Variants in KRCC1 observed in about 807,000 individuals in gnomAD.
The protein encoded by KRCC1 is lysine rich coiled-coil 1, also known as lysine-rich coiled-coil protein 1.
In KRCC1, 3 loss-of-function variants were observed where a neutral mutation model predicts 7.4. The ratio of observed to expected loss-of-function variants is 0.40; its 90% CI spans 0.18 to 1.04. The LOEUF (loss-of-function observed/expected upper bound fraction) is 1.04, where lower values mean the gene tolerates loss of function less well. KRCC1 is among the 50% of genes least tolerant of loss of function. KRCC1 has a pLI of 0.33. For missense variants in KRCC1, 277 were observed against 300.9 expected (o/e 0.92, Z 0.59); for synonymous variants, 102 against 101.6 (o/e 1.00, Z -0.02).
intron 1 of KRCC1, among the ~76,000 whole-genome samples, chr2:88,045,014 T>A (rs1673299465): frequency 6.6e-6 from 1 of 151,904 alleles, no homozygotes; most frequent in Non-Finnish European, 1.5e-5. Flanking sequence ...CATGCCATCA[T>A]GCCTGGCTAA....
intron 1 of KRCC1, among the ~76,000 whole-genome samples, chr2:88,050,618 C>T (rs902666509): frequency 6.6e-6 from 1 of 151,916 alleles, no homozygotes; most frequent in Non-Finnish European, 1.5e-5. Flanking sequence ...GACTCCGTCT[C>T]AAAAAATAAA....
chr2:88,040,246 T>C (rs967768905), intron 1 of KRCC1, among the ~76,000 whole-genome samples: 6 of 152,216 alleles, frequency 3.9e-5, no homozygotes, highest in African/African-American at 1.4e-4. Flanking sequence ...TCTCATTTTT[T>C]ATGTTAAATA....
At chr2:88,046,591 T>C (rs1673339847) in intron 1 of KRCC1, among the ~76,000 whole-genome samples, 1 of 152,258 alleles carries the variant, frequency 6.6e-6, no homozygotes, top group South Asian at 2.1e-4. Context: ...ACTGATGTTT[T>C]AGAGGGACTG....
chr2:88,027,665 C>G lies in KRCC1; in HGVS notation c.*119G>C. ...ATGCTAAACACTTTGTTTACTAGGC[C>G]TTTGTTAGAAGTTAAAGAACCTATT... is the stretch of plus-strand genomic sequence containing the variant. On this transcript the variant is annotated 3_prime_UTR_variant, in exon 4 of 4. Coordinates refer to ENST00000347055, the MANE Select transcript of KRCC1 (RefSeq NM_016618.3). 1 of 830,856 alleles carries G rather than the reference C, an allele frequency of 1.2e-6. No homozygotes were observed. Among genetic ancestry groups the G allele is most frequent in the Admixed American group, 2.8e-5 (1 of 35,990 alleles). 51.5% of individuals were successfully genotyped at this position (830,856 alleles called of 1,614,324 possible). A position where few individuals can be genotyped will look rare whatever the true frequency, so the allele number is the denominator to read the frequency against.
Position 88,034,909 on chromosome 2 carries a change from T to G in KRCC1, c.-181-617A>C, listed in dbSNP as rs146028709. Among the ~76,000 whole-genome samples the G allele has an allele frequency of 7.7e-3, 1,173 of 152,286 alleles. 16 individuals carry two copies. The highest frequency in any genetic ancestry group is 0.027 in the African/African-American group (1,142 of 41,578). ...TAAGTGAGATCATATGGTATTTGTC[T>G]CTCTGTGCTTGTAAAGCCCTAACTT... On this transcript the variant is annotated intron_variant, in intron 2 of 3. Transcript: ENST00000347055.
At chr2:88,050,179 T>C (rs1284180665) in intron 1 of KRCC1, among the ~76,000 whole-genome samples, 1 of 152,234 alleles carries the variant, frequency 6.6e-6, no homozygotes, top group Non-Finnish European at 1.5e-5. Flanking sequence ...AGATTTTCTT[T>C]ATGTTGTTTA....
At position 88,049,886 on chromosome 2, in the gene KRCC1, T is replaced by C. The variant is rs1573086392; in HGVS notation, c.-291+5740A>G. ...TCAGATCTACATTAACATAATGTGC[T>C]CTGGTGTGCCTGTAACAAACATGTC... On this transcript the variant is annotated intron_variant, in intron 1 of 3. Coordinates refer to ENST00000347055, the MANE Select transcript of KRCC1 (RefSeq NM_016618.3). 2.0e-5 allele frequency among the ~76,000 whole-genome samples: 3 copies of C among 152,394 alleles called. No homozygotes were observed. In the Middle Eastern group the frequency reaches 0.01, roughly 518 times the overall value.
At position 88,027,880 on chromosome 2, in the gene KRCC1, CT is replaced by C; in HGVS notation, c.683del (p.Lys228ArgfsTer47). 2 of 1,613,926 alleles carry C rather than the reference CT, an allele frequency of 1.2e-6. No homozygotes were observed. Among genetic ancestry groups the C allele is most frequent in the Non-Finnish European group, 1.7e-6 (2 of 1,179,998 alleles). On this transcript the variant is annotated frameshift_variant, in exon 4 of 4. Coordinates refer to ENST00000347055, the MANE Select transcript of KRCC1 (RefSeq NM_016618.3). LOFTEE classifies it high-confidence loss of function. ...KEKKSRDVVS[K>X]KEERKRTKKK... ...TTTTTGTACGCTTACGTTCCTCTTT[CT>C]TAGAGACTACATCTCGGCTTTTTTT...
chr2:88,046,967 C>T (rs1463398543), intron 1 of KRCC1, among the ~76,000 whole-genome samples: 2 of 152,170 alleles, frequency 1.3e-5, no homozygotes, highest in Non-Finnish European at 2.9e-5. Flanking sequence ...AGCCGCCATG[C>T]CCAGCCAGGT....
intron 1 of KRCC1, among the ~76,000 whole-genome samples, chr2:88,045,036 T>TC (rs1402960956): frequency 1.3e-5 from 2 of 148,830 alleles, no homozygotes; most frequent in African/African-American, 4.9e-5. Flanking sequence ...TTTTTGTACT[T>TC]TTTTTTTTTG....
At chr2:88,055,148 T>C (rs1380062934) in intron 1 of KRCC1, among the ~76,000 whole-genome samples, 1 of 149,498 alleles carries the variant, frequency 6.7e-6, no homozygotes, top group African/African-American at 2.5e-5. Context: ...TACTTCCTGC[T>C]TTCCCCGATT....
At chr2:88,036,092 G>A (rs1673084908) in intron 2 of KRCC1, among the ~76,000 whole-genome samples, 2 of 152,146 alleles carry the variant, frequency 1.3e-5, no homozygotes, top group Admixed American at 1.3e-4. Flanking sequence ...TTTCTGACAT[G>A]ATTATCAAGA....
chr2:88,028,210 C>T lies in KRCC1; in HGVS notation c.354G>A (p.Leu118=). Residue 118 remains leucine, a synonymous_variant, in exon 4 of 4, where the codon CTG becomes CTA. Coordinates refer to ENST00000347055, the MANE Select transcript of KRCC1 (RefSeq NM_016618.3). ...RDCFSEKPVP[L]NFNQQEYICG... ...AAATATATTCTTGTTGATTAAAGTTCAGGGGTACTGGTTTTTCTGAGAAAC... is the reference window on the plus strand; with the variant it reads ...AAATATATTCTTGTTGATTAAAGTTTAGGGGTACTGGTTTTTCTGAGAAAC... The T allele has an allele frequency of 6.2e-7, 1 of 1,614,160 alleles. No individual in the cohort carries two copies. The highest frequency in any genetic ancestry group is 8.5e-7 in the Non-Finnish European group (1 of 1,180,024).
At chr2:88,048,140 T>G (rs1040668541) in intron 1 of KRCC1, among the ~76,000 whole-genome samples, 1 of 150,724 alleles carries the variant, frequency 6.6e-6, no homozygotes. Flanking sequence ...TGGGGTGCAG[T>G]GGTGGGATCT....
At chr2:88,054,896 G>A (rs1673579512) in intron 1 of KRCC1, among the ~76,000 whole-genome samples, 1 of 152,148 alleles carries the variant, frequency 6.6e-6, no homozygotes, top group Admixed American at 6.5e-5. Context: ...TTAAGCCCAG[G>A]AGCTGGAGGC....
At chr2:88,045,279 A>T (rs1246294069) in intron 1 of KRCC1, among the ~76,000 whole-genome samples, 1 of 152,150 alleles carries the variant, frequency 6.6e-6, no homozygotes, top group Non-Finnish European at 1.5e-5. Context: ...TTGTCTATGA[A>T]TGTTCACAGC....
intron 3 of KRCC1, among the ~76,000 whole-genome samples, chr2:88,028,809 C>A (rs1573072505): frequency 6.6e-6 from 1 of 152,062 alleles, no homozygotes; most frequent in East Asian, 1.9e-4. Flanking sequence ...TGCCACCACG[C>A]CCAGCTAATT....
intron 1 of KRCC1, among the ~76,000 whole-genome samples, chr2:88,054,146 T>C (rs559251273): frequency 2.7e-4 from 41 of 152,298 alleles, no homozygotes; most frequent in African/African-American, 7.0e-4. Context: ...GGATAAGAAA[T>C]AGCATTTTGT....
At chr2:88,040,059 A>G (rs1673174586) in intron 1 of KRCC1, among the ~76,000 whole-genome samples, 1 of 152,172 alleles carries the variant, frequency 6.6e-6, no homozygotes, top group African/African-American at 2.4e-5. Context: ...CAAACAAATC[A>G]GAATACATGG....
Sources: gnomAD v4.1 joint callset for allele counts (sites outside exome capture counted in the v4.1 genomes callset) on GRCh38, gnomAD v4.1.1 for gene constraint, MANE v1.5 for transcripts, NCBI Gene and HGNC (gene_info 2026-07-23, HGNC 2026-07-21) for gene names.